The following DGCR2 variants were observed in gnomAD, a reference collection of about 807,000 sequenced individuals.
DGCR2 encodes the protein integral membrane protein DGCR2/IDD.
DGCR2 carries 24 observed loss-of-function variants against 51.6 expected under a neutral mutation model. The observed-to-expected ratio is 0.47, with a 90% CI of 0.34 to 0.65. The LOEUF (loss-of-function observed/expected upper bound fraction) is 0.65, where lower values mean the gene tolerates loss of function less well. Among genes scored for constraint, DGCR2 ranks in the 30% least tolerant of loss-of-function variants. The probability of loss-of-function intolerance (pLI) is 0.01; values close to 1 mark genes in which losing one functional copy is unlikely to be tolerated. For missense variants in DGCR2, 765 were observed against 772.1 expected (o/e 0.99, Z 0.11); for synonymous variants, 340 against 315.4 (o/e 1.08, Z -0.82).
At position 19,038,652 on chromosome 22, in the gene DGCR2, G is replaced by C. The variant is rs2082396553; in HGVS notation, c.*213C>G. The C allele has an allele frequency of 4.9e-6, 3 of 611,106 alleles. No homozygotes were observed. The highest frequency in any genetic ancestry group is 1.9e-5 in the African/African-American group (1 of 53,318). The allele number at this position is 611,106 out of a possible 1,614,324, so 37.9% of individuals were successfully genotyped here. A position where few individuals can be genotyped will look rare whatever the true frequency, so the allele number is the denominator to read the frequency against. Reference sequence around the variant, plus strand: ...AAGACAGTGATCCAAAGCTATGCATGTTTCTGAAGCCCTCAAGGAAGCTCG... The same window carrying C: ...AAGACAGTGATCCAAAGCTATGCATCTTTCTGAAGCCCTCAAGGAAGCTCG... On this transcript the variant is annotated 3_prime_UTR_variant, in exon 10 of 10. Transcript: ENST00000263196.
Position 19,122,319 on chromosome 22 carries a change from C to T in DGCR2, c.-113G>A. 1.2e-6 allele frequency: 1 copy of T among 854,986 alleles called. No individual in the cohort carries two copies. 53.0% of individuals were successfully genotyped at this position (854,986 alleles called of 1,614,324 possible). ...GGCGGAGCTGAACCTGGGCGAGGCG[C>T]GGAGAGGCGGCGGGAAAGAGCTTCG... On this transcript the variant is annotated 5_prime_UTR_variant, in exon 1 of 10. Coordinates refer to ENST00000263196, the MANE Select transcript of DGCR2 (RefSeq NM_005137.3).
At chr22:19,105,508 T>C (rs1167860368) in intron 1 of DGCR2, among the ~76,000 whole-genome samples, 3 of 152,132 alleles carry the variant, frequency 2.0e-5, no homozygotes, top group Non-Finnish European at 4.4e-5. Context: ...CCAGGGGCCA[T>C]GGGCAGGCCT....
chr22:19,056,321 AAAAAG>A (rs1286213021), intron 6 of DGCR2: 1 of 223,308 alleles, frequency 4.5e-6, no homozygotes, highest in Non-Finnish European at 8.9e-6. Flanking sequence ...TCCCAAAAAA[AAAAAG>A]AAAAAGAGGA....
chr22:19,064,084 C>T (rs2082720274), intron 4 of DGCR2, among the ~76,000 whole-genome samples: 1 of 152,218 alleles, frequency 6.6e-6, no homozygotes, highest in African/African-American at 2.4e-5. Flanking sequence ...CCGCCATAAG[C>T]TCCTGCCTAG....
At position 19,104,020 on chromosome 22, in the gene DGCR2, C is replaced by T. The variant is rs150994760; in HGVS notation, c.80-14530G>A. 7.2e-4 allele frequency among the ~76,000 whole-genome samples: 110 copies of T among 151,862 alleles called. 3 individuals are homozygous for T. In the East Asian group the frequency reaches 0.018, roughly 25 times the overall value. ...CTGGGCAACACAGTGAGGCACTGTT[C>T]TTTCAAAAGAGAGAGAGAAAAAAAG... On this transcript the variant is annotated intron_variant, in intron 1 of 9. Transcript: ENST00000263196.
chr22:19,075,698 G>A (rs2082868101), intron 2 of DGCR2, among the ~76,000 whole-genome samples: 1 of 152,282 alleles, frequency 6.6e-6, no homozygotes, highest in African/African-American at 2.4e-5. Context: ...GTTATTTTGT[G>A]ACAGGCTTAT....
At chr22:19,071,682 T>C (rs1308455884) in intron 2 of DGCR2, among the ~76,000 whole-genome samples, 1 of 152,222 alleles carries the variant, frequency 6.6e-6, no homozygotes, top group Non-Finnish European at 1.5e-5. Context: ...CATTAATCCT[T>C]GAATAAATCT....
intron 5 of DGCR2, among the ~76,000 whole-genome samples, chr22:19,062,405 C>G (rs991555174): frequency 2.0e-5 from 3 of 152,204 alleles, no homozygotes; most frequent in Non-Finnish European, 4.4e-5. Flanking sequence ...GGCCTTGACC[C>G]TTTTCAACCC....
intron 5 of DGCR2, among the ~76,000 whole-genome samples, chr22:19,059,022 G>A (rs1332299672): frequency 3.9e-5 from 6 of 152,254 alleles, no homozygotes; most frequent in Non-Finnish European, 8.8e-5. Flanking sequence ...TGCAGAGCGG[G>A]CAGGTGTTCG....
At chr22:19,072,233 T>G (rs557469623) in intron 2 of DGCR2, among the ~76,000 whole-genome samples, 59 of 152,246 alleles carry the variant, frequency 3.9e-4, no homozygotes, top group Admixed American at 1.6e-3. Context: ...TTTCTTCCAC[T>G]AAGCTCTCAG....
chr22:19,052,325 C>T (rs1379253541), intron 6 of DGCR2, among the ~76,000 whole-genome samples: 3 of 151,324 alleles, frequency 2.0e-5, no homozygotes, highest in South Asian at 4.2e-4. Flanking sequence ...CTGAGACATG[C>T]GAATCGCTTG....
chr22:19,082,457 G>A (rs983994455), intron 2 of DGCR2, among the ~76,000 whole-genome samples: 1 of 151,934 alleles, frequency 6.6e-6, no homozygotes, highest in African/African-American at 2.4e-5. Flanking sequence ...TAAGAAAAAG[G>A]TGGCCAGAGG....
chr22:19,055,523 T>C (rs957441618), intron 6 of DGCR2, among the ~76,000 whole-genome samples: 22 of 152,210 alleles, frequency 1.4e-4, no homozygotes, highest in African/African-American at 5.3e-4. Flanking sequence ...CTGGGCAACA[T>C]AGTGAAACCA....
intron 2 of DGCR2, among the ~76,000 whole-genome samples, chr22:19,087,608 C>T (rs1431571754): frequency 6.6e-6 from 1 of 151,404 alleles, no homozygotes; most frequent in Admixed American, 6.6e-5. Context: ...AAACTCCTGA[C>T]CTTAAGTGAT....
chr22:19,074,092 G>A (rs189109457), intron 2 of DGCR2, among the ~76,000 whole-genome samples: 16 of 152,218 alleles, frequency 1.1e-4, no homozygotes, highest in Admixed American at 9.8e-4. Context: ...GAATCTACAG[G>A]ATTCACACCA....
At chr22:19,056,941 A>G (rs904584261) in intron 6 of DGCR2, 45 bp downstream of exon 6, 13 of 1,508,492 alleles carry the variant, frequency 8.6e-6, no homozygotes, top group Non-Finnish European at 1.2e-5. Flanking sequence ...AAAGTGACAC[A>G]AGGGCCCAGA....
intron 1 of DGCR2, among the ~76,000 whole-genome samples, chr22:19,112,364 G>C (rs1402204866): frequency 6.6e-6 from 1 of 151,554 alleles, no homozygotes; most frequent in Admixed American, 6.6e-5. Context: ...AGAGGGGCTT[G>C]TTATAAATAC....
intron 5 of DGCR2, among the ~76,000 whole-genome samples, chr22:19,058,780 C>T (rs112583431): frequency 0.016 from 2,459 of 152,334 alleles, 71 homozygotes; most frequent in African/African-American, 0.056. Flanking sequence ...CCCACGAAAG[C>T]TGCCTGGACC....
In DGCR2 at chr22:19,050,777, T is replaced by C. The variant is rs575738607; in HGVS notation, c.803-2134A>G. On this transcript the variant is annotated intron_variant, in intron 6 of 9. Transcript: ENST00000263196. ...GTCTCACATCTTATTAAAACACTCATTCGAAACATGTCCTAGACTTAAATG... is the reference window on the plus strand; with the variant it reads ...GTCTCACATCTTATTAAAACACTCACTCGAAACATGTCCTAGACTTAAATG... Among the ~76,000 whole-genome samples the C allele has an allele frequency of 2.0e-5, 3 of 152,284 alleles. No individual in the cohort carries two copies. In the South Asian group the frequency reaches 6.2e-4, roughly 32 times the overall value.
Sources: gnomAD v4.1 joint callset for allele counts (sites outside exome capture counted in the v4.1 genomes callset) on GRCh38, gnomAD v4.1.1 for gene constraint, MANE v1.5 for transcripts, NCBI Gene and HGNC (gene_info 2026-07-23, HGNC 2026-07-21) for gene names.